DZIP3: variants seen among roughly 807,000 people sequenced by gnomAD.
The protein encoded by DZIP3 is E3 ubiquitin-protein ligase DZIP3.
DZIP3 carries 118 observed loss-of-function variants against 162.0 expected under a neutral mutation model. That is an observed-to-expected ratio of 0.73 (90% CI 0.63 to 0.85). The LOEUF is 0.85. Among genes scored for constraint, DZIP3 ranks in the 40% least tolerant of loss-of-function variants. The probability of loss-of-function intolerance (pLI) is 0.00; values close to 1 mark genes in which losing one functional copy is unlikely to be tolerated. For missense variants in DZIP3, 1,331 were observed against 1,407.0 expected, an observed-to-expected ratio of 0.95 and a Z score of 0.86; for synonymous variants, 438 against 458.6, an observed-to-expected ratio of 0.96 and a Z score of 0.57.
chr3:108,675,663 TTGGTGA>T (rs886080954), intron 24 of DZIP3, 117 bp from the exon 25 acceptor site: 6 of 627,262 alleles, frequency 9.6e-6, no homozygotes, highest in African/African-American at 7.7e-5. Flanking sequence ...GAAGTAATTG[TTGGTGA>T]TGGGGGTAAT....
intron 18 of DZIP3, among the ~76,000 whole-genome samples, chr3:108,652,820 C>T (rs907839196): frequency 3.3e-5 from 5 of 151,856 alleles, no homozygotes; most frequent in African/African-American, 1.2e-4. Flanking sequence ...GTTACAACTG[C>T]CTATCGTATT....
At chr3:108,676,213 C>A (rs946975901) in intron 25 of DZIP3, among the ~76,000 whole-genome samples, 24 of 152,018 alleles carry the variant, frequency 1.6e-4, no homozygotes, top group African/African-American at 4.8e-4. Flanking sequence ...ATTTTGGGAG[C>A]CAAGGCGAGA....
intron 1 of DZIP3, among the ~76,000 whole-genome samples, chr3:108,602,649 A>G (rs1015651926): frequency 2.6e-5 from 4 of 152,180 alleles, no homozygotes; most frequent in Non-Finnish European, 4.4e-5. Context: ...CTTCATGTTA[A>G]CGCTTTCTTA....
At chr3:108,612,561 A>G (rs1940769317) in intron 4 of DZIP3, among the ~76,000 whole-genome samples, 1 of 152,180 alleles carries the variant, frequency 6.6e-6, no homozygotes, top group South Asian at 2.1e-4. Context: ...TGGGAGGTTA[A>G]TTCCAGGACA....
chr3:108,623,613 G>T (rs1413268830), intron 5 of DZIP3, among the ~76,000 whole-genome samples: 2 of 152,170 alleles, frequency 1.3e-5, no homozygotes, highest in Admixed American at 1.3e-4. Flanking sequence ...AGTTGGAGGG[G>T]TGACATAAGC....
Position 108,625,876 on chromosome 3 carries a change from T to G in DZIP3, c.488T>G (p.Val163Gly). The G allele has an allele frequency of 1.2e-6, 2 of 1,612,726 alleles. No homozygotes were observed. Among genetic ancestry groups the G allele is most frequent in the Non-Finnish European group, 1.7e-6 (2 of 1,179,394 alleles). The change falls in exon 7 of 33, where the codon GTG becomes GGG. Residue 163 changes from valine (V) to glycine (G), a missense_variant. Coordinates refer to ENST00000361582, the MANE Select transcript of DZIP3 (RefSeq NM_014648.4). ...DYTEAENKFL[V>G]MKMMIQENEI... The stretch of plus-strand genomic sequence containing the variant: ...ACAGAAGCTGAGAATAAATTTCTGG[T>G]GATGAAGATGATGATCCAAGAAAAT...
chr3:108,590,695 A>C (rs1939347823), intron 1 of DZIP3, among the ~76,000 whole-genome samples: 1 of 152,236 alleles, frequency 6.6e-6, no homozygotes, highest in Non-Finnish European at 1.5e-5. Context: ...GGCACCATGC[A>C]GTAACATGCA....
chr3:108,591,905 G>T (rs1939438900), intron 1 of DZIP3, among the ~76,000 whole-genome samples: 1 of 151,684 alleles, frequency 6.6e-6, no homozygotes. Flanking sequence ...CTGAGTTGGG[G>T]GGATCACTTG....
chr3:108,612,601 A>G (rs538798050), intron 4 of DZIP3, among the ~76,000 whole-genome samples: 59 of 152,284 alleles, frequency 3.9e-4, no homozygotes, highest in African/African-American at 1.4e-3. Flanking sequence ...AGGATGCCCA[A>G]GTCTCTTATG....
chr3:108,646,626 T>C lies in DZIP3; in HGVS notation c.1769T>C (p.Leu590Pro). The C allele has an allele frequency of 6.4e-7, 1 of 1,571,536 alleles. No individual in the cohort carries two copies. Among genetic ancestry groups the C allele is most frequent in the Non-Finnish European group, 8.6e-7 (1 of 1,160,382 alleles). Residue 590 changes from leucine (L) to proline (P), a missense_variant, in exon 15 of 33, where the codon CTA becomes CCA. By Grantham distance (98) the Leu-to-Pro change is moderately conservative (BLOSUM62 -3). Coordinates refer to ENST00000361582, the MANE Select transcript of DZIP3 (RefSeq NM_014648.4). Reference protein sequence around the residue: ...MLSCYQQGIALQSITGSQRIE... With the variant: ...MLSCYQQGIAPQSITGSQRIE... ...TCTTTATGTATTATAGGAATTGCTC[T>C]ACAGTCAATAACAGGCAGTCAGCGT...
intron 6 of DZIP3, among the ~76,000 whole-genome samples, chr3:108,625,312 T>C (rs1941542951): frequency 6.6e-6 from 1 of 152,232 alleles, no homozygotes; most frequent in Non-Finnish European, 1.5e-5. Context: ...ACTTACTTTC[T>C]ATCTGAAATA....
intron 31 of DZIP3, among the ~76,000 whole-genome samples, chr3:108,689,369 G>T (rs1267963901): frequency 8.5e-5 from 13 of 152,156 alleles, no homozygotes; most frequent in Admixed American, 7.9e-4. Context: ...GCTTTTGAAA[G>T]ATACTCAGGC....
At chr3:108,642,268 T>C (rs1178559553) in intron 12 of DZIP3, among the ~76,000 whole-genome samples, 170 bp from the exon 13 acceptor site, 2 of 152,180 alleles carry the variant, frequency 1.3e-5, no homozygotes, top group East Asian at 3.9e-4. Flanking sequence ...AAAGTGACAG[T>C]GTAGGGTTTT....
intron 21 of DZIP3, among the ~76,000 whole-genome samples, chr3:108,662,542 A>T (rs1943486694): frequency 6.6e-6 from 1 of 152,190 alleles, no homozygotes; most frequent in African/African-American, 2.4e-5. Flanking sequence ...TCATGACTCT[A>T]ATTTGTAAAA....
intron 6 of DZIP3, 53 bp from the exon 7 acceptor site, chr3:108,625,789 TAAA>T (rs5851600): frequency 1.3e-3 from 1,658 of 1,263,954 alleles, no homozygotes; most frequent in South Asian, 3.7e-3. Flanking sequence ...TTGTTTATTG[TAAA>T]AAAAAAAAAA....
intron 1 of DZIP3, 30 bp from the exon 2 acceptor site, chr3:108,605,305 A>C: frequency 6.8e-7 from 1 of 1,476,556 alleles, no homozygotes. Context: ...TAACTTTCCT[A>C]TCTTCATAAA....
At chr3:108,639,210 T>C (rs1171536229) in intron 12 of DZIP3, among the ~76,000 whole-genome samples, 1 of 152,236 alleles carries the variant, frequency 6.6e-6, no homozygotes, top group African/African-American at 2.4e-5. Context: ...TCTTCTCCAT[T>C]TGAGTGTAAC....
rs1318546541 is a variant in DZIP3 at position 108,635,546 on chromosome 3, GTTATAA to G, written c.918+580_918+585del. On this transcript the variant is annotated intron_variant, in intron 10 of 32. Coordinates refer to ENST00000361582, the MANE Select transcript of DZIP3 (RefSeq NM_014648.4). ...ATATATAATAGTTATAATTATATAA[GTTATAA>G]TTATATATAACTGTATAACTACATA... Among the ~76,000 whole-genome samples, 6 of 146,100 alleles carry G rather than the reference GTTATAA, an allele frequency of 4.1e-5. No individual in the cohort carries two copies. The South Asian group carries it at 6.4e-4, about 15-fold the overall frequency.
chr3:108,598,811 G>A (rs542036869), intron 1 of DZIP3, among the ~76,000 whole-genome samples: 33 of 152,290 alleles, frequency 2.2e-4, no homozygotes, highest in African/African-American at 7.9e-4. Flanking sequence ...GGTAGCATAT[G>A]CTTCTTCCAG....
Sources: allele counts gnomAD v4.1 joint callset (sites outside exome capture counted in the v4.1 genomes callset), GRCh38; gene constraint gnomAD v4.1.1; transcripts MANE v1.5; gene names NCBI Gene and HGNC (gene_info 2026-07-23, HGNC 2026-07-21).